Variants in NECAP2 observed in about 807,000 individuals in gnomAD.
The protein encoded by NECAP2 is NECAP endocytosis associated 2.
A neutral mutation model predicts 37.8 loss-of-function variants in NECAP2; 38 were observed. The ratio of observed to expected loss-of-function variants is 1.01; its 90% CI spans 0.78 to 1.32. The LOEUF is 1.32. NECAP2 is among the 40% of genes most tolerant of loss of function. The probability of loss-of-function intolerance (pLI) is 0.00; values close to 1 mark genes in which losing one functional copy is unlikely to be tolerated. For synonymous variants in NECAP2, 121 were observed against 127.7 expected (o/e 0.95, Z 0.35); for missense variants, 316 against 334.5 (o/e 0.94, Z 0.43).
At position 16,452,040 on chromosome 1, in the gene NECAP2, G is replaced by T. The variant is rs773377508; in HGVS notation, c.667+25G>T. 26 of 1,537,518 alleles carry T rather than the reference G, an allele frequency of 1.7e-5. 1 individual carries two copies. In the South Asian group the frequency reaches 2.8e-4, roughly 17 times the overall value. On this transcript the variant is annotated intron_variant, in intron 6 of 7. Transcript: ENST00000337132. Reference sequence around the variant, plus strand: ...GGTTAGTGCTCAGTGGGTGACTGCTGCATCAGTACCTGCCGGCTCCTCTTC... The same window carrying T: ...GGTTAGTGCTCAGTGGGTGACTGCTTCATCAGTACCTGCCGGCTCCTCTTC...
Position 16,443,707 on chromosome 1 carries a change from C to T in NECAP2, c.168C>T (p.Tyr56=), listed in dbSNP as rs374011418. Residue 56 remains tyrosine (Y), a synonymous_variant, in exon 2 of 8, where the codon TAC becomes TAT. Transcript: ENST00000337132. ...TCACTGCAAAGGGACAGATGGCCTA[C>T]ATCAAGCTGGAGGACAGGACGTCAG... is the stretch of plus-strand genomic sequence containing the variant. The part of the protein sequence containing the change: ...LRITAKGQMA[Y]IKLEDRTSGE... 2.5e-6 allele frequency: 4 copies of T among 1,612,952 alleles called. No homozygotes were observed. The South Asian group carries it at 3.3e-5, about 13-fold the overall frequency.
rs530267336 is a variant in NECAP2, at chr1:16,443,417, C to T, written c.93-215C>T. On this transcript the variant is annotated intron_variant, in intron 1 of 7. Transcript: ENST00000337132. ...AGTTAAGATACCTAAAGCATCACCACGTGCATGTTCTATACTGATTTTACC... is the reference window on the plus strand; with the variant it reads ...AGTTAAGATACCTAAAGCATCACCATGTGCATGTTCTATACTGATTTTACC... Among the ~76,000 whole-genome samples the T allele has an allele frequency of 7.9e-5, 12 of 152,338 alleles. No individual in the cohort carries two copies. In the South Asian group the frequency reaches 1.2e-3, roughly 16 times the overall value.
chr1:16,452,855 C>T (rs2086866670), intron 6 of NECAP2, among the ~76,000 whole-genome samples: 1 of 151,872 alleles, frequency 6.6e-6, no homozygotes, highest in South Asian at 2.1e-4. Context: ...GCCTTCTGCA[C>T]ACAGCTCTCC....
chr1:16,449,117 T>G lies in NECAP2; in HGVS notation c.405T>G (p.Phe135Leu). 6.2e-7 allele frequency: 1 copy of G among 1,613,196 alleles called. No homozygotes were observed. The highest frequency in any genetic ancestry group is 8.5e-7 in the Non-Finnish European group (1 of 1,179,642). The change falls in exon 5 of 8, where the codon TTT (phenylalanine) becomes TTG (leucine). Residue 135 changes from phenylalanine (F) to leucine (L), a missense_variant. Coordinates refer to ENST00000337132, the MANE Select transcript of NECAP2 (RefSeq NM_018090.5). ...HFKWVKQQCEFAKQAQNPDQG... is the reference protein window; with the variant it reads ...HFKWVKQQCELAKQAQNPDQG... ...GGTGGGTGAAACAGCAGTGTGAATT[T>G]GCAAAACAAGCCCAGAACCCAGACC...
At chr1:16,451,317 G>C (rs279781) in intron 5 of NECAP2, 40,034 of 152,992 alleles carry the variant, frequency 0.26, 6,437 homozygotes, top group Non-Finnish European at 0.36. Context: ...AGTTTGGGGC[G>C]ATTACAAATA....
At chr1:16,452,143 A>G in intron 6 of NECAP2, 128 bp downstream of exon 6, 1 of 992,210 alleles carries the variant, frequency 1.0e-6, no homozygotes, top group Non-Finnish European at 1.5e-6. Flanking sequence ...CGTGTCAAAG[A>G]AGGCGGGCAC....
intron 7 of NECAP2, among the ~76,000 whole-genome samples, chr1:16,457,707 G>GTTTTTT (rs56863489): frequency 3.8e-5 from 4 of 105,492 alleles, no homozygotes; most frequent in East Asian, 2.6e-4. Flanking sequence ...TAGTAATTCT[G>GTTTTTT]TTTTTTTTTT....
At chr1:16,449,794 C>G in intron 5 of NECAP2, 1 of 184,294 alleles carries the variant, frequency 5.4e-6, no homozygotes, top group Non-Finnish European at 1.1e-5. Context: ...TGTCCTGGCT[C>G]CTGTGTCTTC....
intron 5 of NECAP2, chr1:16,450,379 G>T (rs943058667): frequency 1.6e-5 from 5 of 318,334 alleles, no homozygotes; most frequent in African/African-American, 1.1e-4. Context: ...GAGGGTTGGG[G>T]ACTTGCCCAG....
At chr1:16,447,316 T>TC (rs2086778356) in intron 2 of NECAP2, among the ~76,000 whole-genome samples, 2 of 151,598 alleles carry the variant, frequency 1.3e-5, no homozygotes, top group African/African-American at 4.9e-5. Flanking sequence ...CACAAGGGCT[T>TC]TTAAAGCTAG....
intron 1 of NECAP2, among the ~76,000 whole-genome samples, 192 bp from the exon 2 acceptor site, chr1:16,443,440 A>C (rs1467924916): frequency 1.3e-5 from 2 of 152,236 alleles, no homozygotes; most frequent in Non-Finnish European, 2.9e-5. Context: ...TACTGATTTT[A>C]CCCTACAGCA....
At chr1:16,448,973 C>A in intron 4 of NECAP2, 120 bp from the exon 5 acceptor site, 1 of 650,906 alleles carries the variant, frequency 1.5e-6, no homozygotes. Flanking sequence ...CTCTTTCCAG[C>A]ACCCCGTCTC....
intron 7 of NECAP2, among the ~76,000 whole-genome samples, chr1:16,458,071 CAT>C (rs1479363615): frequency 6.6e-6 from 1 of 152,136 alleles, no homozygotes; most frequent in Non-Finnish European, 1.5e-5. Context: ...AGCATTCTTA[CAT>C]GTGATGTTAA....
chr1:16,455,345 G>A (rs373740507), intron 6 of NECAP2, among the ~76,000 whole-genome samples: 2 of 152,216 alleles, frequency 1.3e-5, no homozygotes, highest in Admixed American at 1.3e-4. Context: ...GACTTGGCAC[G>A]TGGCTGGCAC....
At chr1:16,447,849 C>T (rs1197027829) in intron 2 of NECAP2, 21 bp from the exon 3 acceptor site, 2 of 1,606,394 alleles carry the variant, frequency 1.2e-6, no homozygotes, top group African/African-American at 1.3e-5. Flanking sequence ...GCTCAGCGCT[C>T]AGCCTAACCT....
chr1:16,453,250 C>T (rs1443742865), intron 6 of NECAP2, among the ~76,000 whole-genome samples: 1 of 151,638 alleles, frequency 6.6e-6, no homozygotes. Context: ...GCTGGGATTA[C>T]AGGCATGTGC....
chr1:16,446,702 C>T (rs935536452), intron 2 of NECAP2, among the ~76,000 whole-genome samples: 3 of 152,072 alleles, frequency 2.0e-5, no homozygotes, highest in East Asian at 3.9e-4. Context: ...TGCCACCATG[C>T]CTGGCTTATT....
intron 2 of NECAP2, 76 bp downstream of exon 2, chr1:16,443,808 C>T: frequency 1.7e-6 from 2 of 1,151,760 alleles, no homozygotes; most frequent in Non-Finnish European, 2.6e-6. Context: ...CTGGTCTGGC[C>T]AGGCTGCTCA....
chr1:16,459,063 G>T lies in NECAP2; in HGVS notation c.*173G>T, dbSNP rs1039895312. The T allele has an allele frequency of 1.5e-5, 22 of 1,436,468 alleles. No homozygotes were observed. The highest frequency in any genetic ancestry group is 2.5e-5 in the Admixed American group (1 of 40,458). The allele number at this position is 1,436,468 out of a possible 1,614,324, so 89.0% of individuals were successfully genotyped here. On this transcript the variant is annotated 3_prime_UTR_variant, in exon 8 of 8. Coordinates refer to ENST00000337132, the MANE Select transcript of NECAP2 (RefSeq NM_018090.5). The stretch of plus-strand genomic sequence containing the variant: ...GCATGTTTGGCAGTAAATTGGCACC[G>T]TGTCACACTGTTTCCTGGGATTCAA...
Sources: allele counts gnomAD v4.1 joint callset (sites outside exome capture counted in the v4.1 genomes callset), GRCh38; gene constraint gnomAD v4.1.1; transcripts MANE v1.5; gene names NCBI Gene and HGNC (gene_info 2026-07-23, HGNC 2026-07-21).